CRACDL: variants seen among roughly 807,000 people sequenced by gnomAD.
CRACDL encodes CRACD like, also known as CRACD-like protein.
CRACDL carries 26 observed loss-of-function variants against 70.6 expected under a neutral mutation model. That is an observed-to-expected ratio of 0.37 (90% CI 0.27 to 0.51). CRACDL has a LOEUF of 0.51. Ranked by LOEUF, CRACDL falls within the 20% of genes least tolerant of loss-of-function variation. The probability of loss-of-function intolerance (pLI) is 0.94; values close to 1 mark genes in which losing one functional copy is unlikely to be tolerated. For synonymous variants in CRACDL, 618 were observed against 615.2 expected, an observed-to-expected ratio of 1.00 and a Z score of -0.07; for missense variants, 1,283 against 1,376.9, an observed-to-expected ratio of 0.93 and a Z score of 1.08.
intron 1 of CRACDL, among the ~76,000 whole-genome samples, chr2:98,862,658 G>T (rs2104575826): frequency 6.6e-6 from 1 of 152,180 alleles, no homozygotes. Context: ...ATTCACTAGA[G>T]GAATTCAAAG....
chr2:98,806,402 T>C (rs1170073264), intron 7 of CRACDL, among the ~76,000 whole-genome samples: 1 of 152,278 alleles, frequency 6.6e-6, no homozygotes, highest in Non-Finnish European at 1.5e-5. Flanking sequence ...CCAGGCTCTT[T>C]TCCTGACTTC....
chr2:98,823,262 G>C lies in CRACDL; in HGVS notation c.1011C>G (p.Ala337=), dbSNP rs772390480. The change falls in exon 7 of 10, where the codon GCC becomes GCG. Residue 337 remains alanine, a synonymous_variant. Transcript: ENST00000397899. The surrounding 1 kb of genome is among the most constrained non-coding windows in gnomAD (Gnocchi z 4.0). Reference sequence around the variant, plus strand: ...ACTCGGGCTCGGCGAGCTCCGGGGTGGCCGGGCGGCTTGAGGGGTCCTCCC... The same window carrying C: ...ACTCGGGCTCGGCGAGCTCCGGGGTCGCCGGGCGGCTTGAGGGGTCCTCCC... ...VPGEDPSSRP[A]TPELAEPESA... is the part of the protein sequence containing the mutation. 1 of 1,406,292 alleles carries C rather than the reference G, an allele frequency of 7.1e-7. No individual in the cohort carries two copies. The highest frequency in any genetic ancestry group is 1.5e-5 in the African/African-American group (1 of 65,552). The allele number at this position is 1,406,292 out of a possible 1,614,324, so 87.1% of individuals were successfully genotyped here.
chr2:98,874,436 G>A (rs1707428749), intron 1 of CRACDL, among the ~76,000 whole-genome samples: 1 of 152,208 alleles, frequency 6.6e-6, no homozygotes, highest in Admixed American at 6.5e-5. Context: ...GCCCTAGCCG[G>A]GAGTCAGGAG....
chr2:98,813,811 G>T (rs576306251), intron 7 of CRACDL, among the ~76,000 whole-genome samples: 2 of 152,188 alleles, frequency 1.3e-5, no homozygotes, highest in South Asian at 2.1e-4. Context: ...TTAAATGCTT[G>T]GTAGAAATCA....
intron 1 of CRACDL, among the ~76,000 whole-genome samples, chr2:98,932,015 A>C (rs545070923): frequency 1.2e-4 from 19 of 152,342 alleles, no homozygotes; most frequent in African/African-American, 4.6e-4. Context: ...TCTGACCTAA[A>C]GTTTTGAAGT....
At chr2:98,795,077 A>ATATATATATATT in intron 9 of CRACDL, among the ~76,000 whole-genome samples, 8 of 58,492 alleles carry the variant, frequency 1.4e-4, no homozygotes, top group African/African-American at 4.0e-4. Flanking sequence ...ATATATATAT[A>ATATATATATATT]TTTTTTTTTT....
intron 8 of CRACDL, among the ~76,000 whole-genome samples, 177 bp downstream of exon 8, chr2:98,797,173 G>T (rs1703858158): frequency 6.6e-6 from 1 of 152,248 alleles, no homozygotes; most frequent in African/African-American, 2.4e-5. Flanking sequence ...TGGAGGTTAT[G>T]ATTTGGCAAG....
chr2:98,811,646 G>A (rs1452926843), intron 7 of CRACDL, among the ~76,000 whole-genome samples: 1 of 150,952 alleles, frequency 6.6e-6, no homozygotes, highest in Non-Finnish European at 1.5e-5. Flanking sequence ...ACAGGATACA[G>A]AATATCAACA....
At chr2:98,867,932 G>A (rs1359741243) in intron 1 of CRACDL, among the ~76,000 whole-genome samples, 1 of 152,160 alleles carries the variant, frequency 6.6e-6, no homozygotes, top group Non-Finnish European at 1.5e-5. Context: ...CTGCAGCACA[G>A]CAGATGTGGA....
At chr2:98,794,763 G>T in intron 9 of CRACDL, 92 bp from the exon 10 acceptor site, 1 of 1,040,368 alleles carries the variant, frequency 9.6e-7, no homozygotes, top group African/African-American at 1.6e-5. Context: ...TAGACATCGA[G>T]GTCTTAACTG....
intron 1 of CRACDL, among the ~76,000 whole-genome samples, chr2:98,933,020 G>T (rs761996236): frequency 6.6e-6 from 1 of 152,174 alleles, no homozygotes; most frequent in African/African-American, 2.4e-5. Flanking sequence ...AGGGAAGGCC[G>T]AGCTCAGAAC....
intron 1 of CRACDL, among the ~76,000 whole-genome samples, chr2:98,913,439 G>A (rs1278926714): frequency 6.6e-6 from 1 of 152,208 alleles, no homozygotes; most frequent in Non-Finnish European, 1.5e-5. Flanking sequence ...TGAGGCCTGT[G>A]GTAGGGGAGT....
At chr2:98,859,651 C>T (rs552531103) in intron 1 of CRACDL, among the ~76,000 whole-genome samples, 6 of 152,272 alleles carry the variant, frequency 3.9e-5, no homozygotes, top group Middle Eastern at 3.4e-3. Context: ...AATTGACAAA[C>T]GCTTCCTCAG....
At chr2:98,842,304 T>C (rs916519566) in intron 2 of CRACDL, among the ~76,000 whole-genome samples, 2 of 151,818 alleles carry the variant, frequency 1.3e-5, no homozygotes, top group African/African-American at 2.4e-5. Context: ...AATAATTACA[T>C]TTATTTTACA....
At chr2:98,827,532 C>T (rs1293126506) in intron 5 of CRACDL, among the ~76,000 whole-genome samples, 1 of 152,304 alleles carries the variant, frequency 6.6e-6, no homozygotes, top group African/African-American at 2.4e-5. Flanking sequence ...CCTTGTGATC[C>T]GCCCGCCTTG....
At chr2:98,905,570 T>C (rs554216553) in intron 1 of CRACDL, among the ~76,000 whole-genome samples, 71 of 152,312 alleles carry the variant, frequency 4.7e-4, no homozygotes, top group South Asian at 2.5e-3. Flanking sequence ...TCAAACTTAT[T>C]TGGGAAGCGT....
intron 1 of CRACDL, among the ~76,000 whole-genome samples, chr2:98,889,641 A>C (rs905487266): frequency 3.9e-5 from 6 of 152,328 alleles, no homozygotes; most frequent in African/African-American, 1.2e-4. Flanking sequence ...GGAGACTTGA[A>C]AAGCATGCTA....
intron 6 of CRACDL, among the ~76,000 whole-genome samples, chr2:98,825,043 C>T (rs1559217514): frequency 6.6e-6 from 1 of 152,196 alleles, no homozygotes; most frequent in Non-Finnish European, 1.5e-5. Flanking sequence ...TGTTCTTTCC[C>T]ATCCTGGGAG....
At chr2:98,931,441 T>C (rs1209842380) in intron 1 of CRACDL, among the ~76,000 whole-genome samples, 1 of 152,124 alleles carries the variant, frequency 6.6e-6, no homozygotes, top group Non-Finnish European at 1.5e-5. Flanking sequence ...TATGGGGCAG[T>C]GTTTCCGAGA....
Sources: allele counts gnomAD v4.1 joint callset (sites outside exome capture counted in the v4.1 genomes callset), GRCh38; gene constraint gnomAD v4.1.1; non-coding constraint Gnocchi (gnomAD v3.1); transcripts MANE v1.5; gene names NCBI Gene and HGNC (gene_info 2026-07-23, HGNC 2026-07-21).